Variants in ADGRB3 observed in about 807,000 individuals in gnomAD.
ADGRB3 encodes adhesion G protein-coupled receptor B3.
Under a neutral mutation model 193.4 loss-of-function variants are expected in ADGRB3, and 37 were observed. That is an observed-to-expected ratio of 0.19 (90% CI 0.15 to 0.25). ADGRB3 has a LOEUF of 0.25. Ranked by LOEUF, ADGRB3 falls within the 10% of genes least tolerant of loss-of-function variation. ADGRB3 has a pLI of 1.00. For synonymous variants in ADGRB3, 690 were observed against 644.2 expected (o/e 1.07, Z -1.08); for missense variants, 1,637 against 1,852.9 (o/e 0.88, Z 2.14).
intron 13 of ADGRB3, among the ~76,000 whole-genome samples, chr6:69,036,914 T>C (rs1770888524): frequency 6.6e-6 from 1 of 152,200 alleles, no homozygotes. Context: ...AAAGTCATAA[T>C]CTGCTTTATA....
At chr6:69,143,261 G>A (rs1351028974) in intron 17 of ADGRB3, among the ~76,000 whole-genome samples, 1 of 151,808 alleles carries the variant, frequency 6.6e-6, no homozygotes, top group Non-Finnish European at 1.5e-5. Context: ...AGTTGTTTGA[G>A]CTCCTTATAT....
intron 10 of ADGRB3, among the ~76,000 whole-genome samples, chr6:68,975,769 C>A (rs929490877): frequency 6.6e-6 from 1 of 152,098 alleles, no homozygotes; most frequent in African/African-American, 2.4e-5. Flanking sequence ...TTTCTCACTG[C>A]AGTTTGAGAT....
chr6:69,310,198 T>C (rs1768161394), intron 20 of ADGRB3, among the ~76,000 whole-genome samples: 1 of 151,736 alleles, frequency 6.6e-6, no homozygotes. Context: ...TGTTGGCACT[T>C]TTTTCCTCTT....
intron 3 of ADGRB3, among the ~76,000 whole-genome samples, chr6:68,860,862 GT>G (rs1241032861): frequency 7.6e-6 from 1 of 131,678 alleles, no homozygotes; most frequent in Non-Finnish European, 1.7e-5. Flanking sequence ...AAAGGGAAGA[GT>G]TTTTTAAATA....
chr6:69,150,608 G>A (rs1402802261), intron 17 of ADGRB3, among the ~76,000 whole-genome samples: 1 of 152,188 alleles, frequency 6.6e-6, no homozygotes, highest in Admixed American at 6.5e-5. Context: ...GCCCAATTGT[G>A]GCTGAGATGG....
At chr6:69,013,845 A>G (rs1770012603) in intron 11 of ADGRB3, among the ~76,000 whole-genome samples, 193 bp from the exon 12 acceptor site, 1 of 152,080 alleles carries the variant, frequency 6.6e-6, no homozygotes, top group African/African-American at 2.4e-5. Context: ...TACAAAAATG[A>G]AGGTATATGA....
chr6:68,658,018 A>G (rs1165387761), intron 3 of ADGRB3, among the ~76,000 whole-genome samples: 2 of 151,408 alleles, frequency 1.3e-5, no homozygotes. Context: ...TACTAAGCCC[A>G]TACTTTGTAT....
At chr6:68,897,856 CAAA>C (rs1325142743) in intron 3 of ADGRB3, among the ~76,000 whole-genome samples, 4 of 132,948 alleles carry the variant, frequency 3.0e-5, no homozygotes, top group Non-Finnish European at 6.6e-5. Context: ...AAGAAGAAAA[CAAA>C]AGAAAAAAGA....
intron 17 of ADGRB3, among the ~76,000 whole-genome samples, chr6:69,192,978 A>G (rs1313101637): frequency 1.3e-5 from 2 of 152,168 alleles, no homozygotes; most frequent in African/African-American, 4.8e-5. Flanking sequence ...GGAGTTTTAT[A>G]TATAGGAGAA....
chr6:68,767,000 T>A (rs1766522393), intron 3 of ADGRB3, among the ~76,000 whole-genome samples: 1 of 152,088 alleles, frequency 6.6e-6, no homozygotes, highest in African/African-American at 2.4e-5. Context: ...CTAGTCATGG[T>A]CGTATTTTCT....
chr6:69,064,611 C>A (rs77107287), intron 16 of ADGRB3, among the ~76,000 whole-genome samples: 11,709 of 149,498 alleles, frequency 0.078, 563 homozygotes, highest in Non-Finnish European at 0.12. Flanking sequence ...TATTGTTTTT[C>A]TACAGTTACA....
intron 20 of ADGRB3, among the ~76,000 whole-genome samples, chr6:69,264,938 A>G (rs1767008751): frequency 6.6e-6 from 1 of 151,922 alleles, no homozygotes; most frequent in South Asian, 2.1e-4. Flanking sequence ...TTCCCAAGAA[A>G]GATCACTGTT....
At chr6:69,236,020 G>A (rs1035901773) in intron 19 of ADGRB3, among the ~76,000 whole-genome samples, 1 of 151,696 alleles carries the variant, frequency 6.6e-6, no homozygotes, top group Non-Finnish European at 1.5e-5. Flanking sequence ...CAGAATGTTT[G>A]TAATATTAGA....
chr6:69,134,134 G>A (rs1332252250), intron 17 of ADGRB3, among the ~76,000 whole-genome samples: 2 of 151,992 alleles, frequency 1.3e-5, no homozygotes, highest in African/African-American at 4.8e-5. Flanking sequence ...GTGAATTGCA[G>A]CACAAGGATT....
intron 11 of ADGRB3, among the ~76,000 whole-genome samples, chr6:69,000,897 A>G (rs573736603): frequency 6.6e-6 from 1 of 152,364 alleles, no homozygotes; most frequent in East Asian, 1.9e-4. Context: ...GGTGAGGCTC[A>G]GAAATATATA....
intron 8 of ADGRB3, among the ~76,000 whole-genome samples, chr6:68,971,345 G>A (rs1768562408): frequency 6.6e-6 from 1 of 152,152 alleles, no homozygotes; most frequent in African/African-American, 2.4e-5. Context: ...CCAGGACCCT[G>A]TGTCTACTAA....
At position 68,662,890 on chromosome 6, in the gene ADGRB3, T is replaced by C. The variant is rs1269535569; in HGVS notation, c.757+23458T>C. Among the ~76,000 whole-genome samples, 6 of 151,026 alleles carry C rather than the reference T, an allele frequency of 4.0e-5. No homozygotes were observed. The East Asian group carries it at 1.2e-3, about 30-fold the overall frequency. ...AAGGAAAATGGGAAGACAAAAAAAA[T>C]TAACTCCCAAGGTTTCCAGAATTGC... is the stretch of plus-strand genomic sequence containing the variant. On this transcript the variant is annotated intron_variant, in intron 3 of 31. Coordinates refer to ENST00000370598, the MANE Select transcript of ADGRB3 (RefSeq NM_001704.3).
At chr6:68,830,989 G>A (rs991890213) in intron 3 of ADGRB3, among the ~76,000 whole-genome samples, 1 of 151,024 alleles carries the variant, frequency 6.6e-6, no homozygotes, top group African/African-American at 2.4e-5. Flanking sequence ...AAAACAAATG[G>A]GTATAACGTG....
At position 68,759,969 on chromosome 6, in the gene ADGRB3, GT is replaced by G. The variant is rs372838454; in HGVS notation, c.757+120540del. Among the ~76,000 whole-genome samples the G allele has an allele frequency of 4.9e-4, 75 of 152,192 alleles. No homozygotes were observed. In the East Asian group the frequency reaches 0.01, roughly 21 times the overall value. ...AATTGTTTGAAGTTATTTTAGTTCAGTTTGGGTATGATACTATATTTTTGGT... is the reference window on the plus strand; with the variant it reads ...AATTGTTTGAAGTTATTTTAGTTCAGTTGGGTATGATACTATATTTTTGGT... On this transcript the variant is annotated intron_variant, in intron 3 of 31. Transcript: ENST00000370598.
Sources: gnomAD v4.1 joint callset for allele counts (sites outside exome capture counted in the v4.1 genomes callset) on GRCh38, gnomAD v4.1.1 for gene constraint, MANE v1.5 for transcripts, NCBI Gene and HGNC (gene_info 2026-07-23, HGNC 2026-07-21) for gene names.